Variants in NBEA observed in about 807,000 individuals in gnomAD.
The protein encoded by NBEA is neurobeachin, also known as lysosomal-trafficking regulator 2.
Under a neutral mutation model 343.4 loss-of-function variants are expected in NBEA, and 44 were observed. The observed-to-expected ratio is 0.13, with a 90% confidence interval of 0.10 to 0.16. NBEA has a LOEUF of 0.16. Ranked by LOEUF, NBEA falls within the 10% of genes least tolerant of loss-of-function variation. The pLI is 1.00. For missense variants in NBEA, 2,555 were observed against 3,631.3 expected (o/e 0.70, Z 7.62); for synonymous variants, 1,175 against 1,238.7 (o/e 0.95, Z 1.08).
At chr13:35,226,107 A>G (rs2074638678) in intron 33 of NBEA, among the ~76,000 whole-genome samples, 1 of 152,192 alleles carries the variant, frequency 6.6e-6, no homozygotes, top group Non-Finnish European at 1.5e-5. Context: ...CACCACCTGT[A>G]AATAAGTGGC....
intron 49 of NBEA, among the ~76,000 whole-genome samples, chr13:35,640,013 G>T (rs1157453816): frequency 6.6e-6 from 1 of 150,868 alleles, no homozygotes; most frequent in African/African-American, 2.4e-5. Flanking sequence ...ATGTAAATGG[G>T]TTAAATCTAC....
chr13:35,197,334 G>A (rs1419042092), intron 31 of NBEA, among the ~76,000 whole-genome samples: 1 of 151,824 alleles, frequency 6.6e-6, no homozygotes, highest in Admixed American at 6.6e-5. Context: ...TTTTGTTTTA[G>A]AAAGACAAGA....
chr13:35,266,442 G>C (rs1485445001), intron 34 of NBEA, among the ~76,000 whole-genome samples: 1 of 151,774 alleles, frequency 6.6e-6, no homozygotes, highest in Non-Finnish European at 1.5e-5. Context: ...CAGTTTAAGT[G>C]TCCATTAACA....
intron 1 of NBEA, among the ~76,000 whole-genome samples, chr13:35,020,356 A>G (rs561890904): frequency 1.3e-5 from 2 of 152,248 alleles, no homozygotes; most frequent in South Asian, 4.1e-4. Context: ...CATACTTTGT[A>G]TAATTTGTCC....
At chr13:35,258,231 G>A (rs1157791191) in intron 34 of NBEA, among the ~76,000 whole-genome samples, 5 of 150,204 alleles carry the variant, frequency 3.3e-5, no homozygotes, top group Admixed American at 2.0e-4. Flanking sequence ...GCAGTGGCGC[G>A]ATCTCCACTC....
At chr13:35,420,411 A>G (rs936170717) in intron 38 of NBEA, among the ~76,000 whole-genome samples, 2 of 151,998 alleles carry the variant, frequency 1.3e-5, no homozygotes, top group Non-Finnish European at 2.9e-5. Context: ...CTGTTAATGT[A>G]ATGCACTACA....
At chr13:35,286,528 A>G (rs1465869844) in intron 34 of NBEA, among the ~76,000 whole-genome samples, 1 of 152,030 alleles carries the variant, frequency 6.6e-6, no homozygotes, top group Non-Finnish European at 1.5e-5. Flanking sequence ...TAGAGATGGA[A>G]TTTTTCAACG....
intron 38 of NBEA, among the ~76,000 whole-genome samples, chr13:35,428,843 A>G (rs1409185880): frequency 6.6e-6 from 1 of 152,080 alleles, no homozygotes; most frequent in Non-Finnish European, 1.5e-5. Flanking sequence ...TAAACCTTCT[A>G]TTTAGACTTC....
intron 43 of NBEA, among the ~76,000 whole-genome samples, chr13:35,552,360 C>T (rs995400317): frequency 1.3e-5 from 2 of 152,142 alleles, no homozygotes; most frequent in Non-Finnish European, 2.9e-5. Flanking sequence ...CAGTGTAAGA[C>T]CAATTCACTG....
At chr13:35,025,513 T>C (rs1257006912) in intron 1 of NBEA, among the ~76,000 whole-genome samples, 2 of 152,180 alleles carry the variant, frequency 1.3e-5, no homozygotes, top group African/African-American at 4.8e-5. Context: ...TCTAACCTGT[T>C]CCATTGGTCT....
intron 45 of NBEA, among the ~76,000 whole-genome samples, chr13:35,568,608 A>G (rs923934118): frequency 3.9e-5 from 6 of 152,196 alleles, no homozygotes; most frequent in Non-Finnish European, 7.4e-5. Flanking sequence ...AGAGACCCAC[A>G]CAAGAGATAA....
intron 31 of NBEA, among the ~76,000 whole-genome samples, chr13:35,205,129 T>C (rs2073299332): frequency 6.6e-6 from 1 of 152,112 alleles, no homozygotes; most frequent in African/African-American, 2.4e-5. Context: ...AGGGAAGGGG[T>C]AATGTTGGTG....
At chr13:35,180,737 T>C (rs1050082339) in intron 28 of NBEA, among the ~76,000 whole-genome samples, 2 of 151,780 alleles carry the variant, frequency 1.3e-5, no homozygotes, top group Admixed American at 6.6e-5. Context: ...GTAAGTTCTT[T>C]AGTGGCGATT....
At chr13:35,086,781 A>G (rs1425455030) in intron 10 of NBEA, among the ~76,000 whole-genome samples, 3 of 151,764 alleles carry the variant, frequency 2.0e-5, no homozygotes, top group Admixed American at 1.3e-4. Flanking sequence ...CAAAAGTTCC[A>G]TTTTCTTTAG....
intron 39 of NBEA, among the ~76,000 whole-genome samples, chr13:35,447,044 G>C (rs1263797706): frequency 1.3e-5 from 2 of 151,948 alleles, no homozygotes; most frequent in African/African-American, 4.8e-5. Flanking sequence ...TTTTAGAGTT[G>C]ATTATAGGAG....
At position 35,606,556 on chromosome 13, in the gene NBEA, A is replaced by C; in HGVS notation, c.7427A>C (p.Asp2476Ala). ...DLPPWAKKPEDFVRINRMALE... is the reference protein window; with the variant it reads ...DLPPWAKKPEAFVRINRMALE... Reference sequence around the variant, plus strand: ...CCCCCTTGGGCAAAAAAACCTGAAGACTTTGTGCGGATCAACAGGATGGTA... The same window carrying C: ...CCCCCTTGGGCAAAAAAACCTGAAGCCTTTGTGCGGATCAACAGGATGGTA... The change falls in exon 48 of 59, where the codon GAC becomes GCC. Residue 2476 changes from aspartate (D) to alanine (A), a missense_variant. Coordinates refer to ENST00000379939, the MANE Select transcript of NBEA (RefSeq NM_001385012.1). 1 of 1,604,682 alleles carries C rather than the reference A, an allele frequency of 6.2e-7. No individual in the cohort carries two copies. Among genetic ancestry groups the C allele is most frequent in the South Asian group, 1.1e-5 (1 of 89,790 alleles).
intron 11 of NBEA, among the ~76,000 whole-genome samples, chr13:35,106,045 C>G (rs1338144377): frequency 6.6e-6 from 1 of 151,924 alleles, no homozygotes; most frequent in East Asian, 1.9e-4. Flanking sequence ...TGCTATAACG[C>G]AACTATTTGT....
chr13:35,268,230 T>C (rs891243973), intron 34 of NBEA, among the ~76,000 whole-genome samples: 1 of 152,068 alleles, frequency 6.6e-6, no homozygotes, highest in Non-Finnish European at 1.5e-5. Flanking sequence ...GACATTAAGC[T>C]AAATGAAATA....
chr13:35,655,056 G>T, intron 54 of NBEA, 46 bp downstream of exon 54: 1 of 1,371,574 alleles, frequency 7.3e-7, no homozygotes, highest in Non-Finnish European at 9.5e-7. Context: ...AATGACTATT[G>T]TTAAAACCAA....
Sources: allele counts gnomAD v4.1 joint callset (sites outside exome capture counted in the v4.1 genomes callset), GRCh38; gene constraint gnomAD v4.1.1; transcripts MANE v1.5; gene names NCBI Gene and HGNC (gene_info 2026-07-23, HGNC 2026-07-21).